Variants in INIP observed in about 807,000 individuals in gnomAD.
INIP encodes INTS3 and NABP interacting protein.
A neutral mutation model predicts 14.0 loss-of-function variants in INIP; 9 were observed. The ratio of observed to expected loss-of-function variants is 0.64; its 90% CI spans 0.39 to 1.12. INIP has a LOEUF of 1.12. Among genes scored for constraint, INIP ranks in the 50% most tolerant of loss-of-function variants. The pLI is 0.01. For missense variants in INIP, 78 were observed against 122.7 expected (o/e 0.64, Z 1.72); for synonymous variants, 37 against 41.5 (o/e 0.89, Z 0.41).
At chr9:112,711,471 A>G (rs181815434) in intron 2 of INIP, among the ~76,000 whole-genome samples, 249 of 152,374 alleles carry the variant, frequency 1.6e-3, no homozygotes, top group Non-Finnish European at 2.7e-3. Context: ...CTACGAAAAA[A>G]GTAACCAGCA....
intron 2 of INIP, among the ~76,000 whole-genome samples, chr9:112,700,532 T>C (rs1369079631): frequency 7.4e-6 from 1 of 135,046 alleles, no homozygotes; most frequent in Non-Finnish European, 1.5e-5. Flanking sequence ...ATAATATATA[T>C]ATATATTATA....
chr9:112,701,174 G>A (rs550830351), intron 2 of INIP, among the ~76,000 whole-genome samples: 2 of 152,120 alleles, frequency 1.3e-5, no homozygotes, highest in Non-Finnish European at 2.9e-5. Context: ...CAGGTGTGGT[G>A]GCAGGCACCT....
intron 2 of INIP, among the ~76,000 whole-genome samples, chr9:112,707,091 C>T (rs1396024219): frequency 1.3e-5 from 2 of 151,898 alleles, no homozygotes; most frequent in African/African-American, 4.8e-5. Flanking sequence ...ACGCATTAGC[C>T]ACCATGCCTG....
At chr9:112,690,290 A>C (rs1375178444) in intron 3 of INIP, among the ~76,000 whole-genome samples, 1 of 152,094 alleles carries the variant, frequency 6.6e-6, no homozygotes, top group African/African-American at 2.4e-5. Flanking sequence ...CAGGAGTTCA[A>C]GACCAGCCTG....
rs1838608594 is a variant in INIP at position 112,710,351 on chromosome 9, T to C, written c.25+6110A>G. Among the ~76,000 whole-genome samples the C allele has an allele frequency of 3.3e-5, 5 of 152,288 alleles. No individual in the cohort carries two copies. The South Asian group carries it at 1.0e-3, about 32-fold the overall frequency. On this transcript the variant is annotated intron_variant, in intron 2 of 4. Coordinates refer to ENST00000374242, the MANE Select transcript of INIP (RefSeq NM_021218.3). ...TGTAAAATTGAAAAAAATAAAAGAA[T>C]TCATGTTCCTTACTCAGTATTTCAC...
rs1403334006 is a variant in INIP at position 112,685,441 on chromosome 9, A to AAATTG, written c.*2092_*2096dup. 1.3e-5 allele frequency: 2 copies of AAATTG among 152,092 alleles called. No homozygotes were observed. Among genetic ancestry groups the AAATTG allele is most frequent in the Non-Finnish European group, 2.9e-5 (2 of 68,016 alleles). The allele number at this position is 152,092 out of a possible 1,614,324, so 9.4% of individuals were successfully genotyped here. ...CTGTAGGTATTAATAAATACATAGGAAATTGAATTGAATTTGTAACTCAAA... is the reference window on the plus strand; with the variant it reads ...CTGTAGGTATTAATAAATACATAGGAAATTGAATTGAATTGAATTTGTAACTCAAA... On this transcript the variant is annotated 3_prime_UTR_variant, in exon 5 of 5. Transcript: ENST00000374242.
chr9:112,705,520 A>G (rs1838432201), intron 2 of INIP, among the ~76,000 whole-genome samples: 1 of 152,128 alleles, frequency 6.6e-6, no homozygotes, highest in South Asian at 2.1e-4. Flanking sequence ...TGTGTTGCCC[A>G]TGCTGGTCTC....
chr9:112,688,553 G>C (rs1588070036), intron 4 of INIP, among the ~76,000 whole-genome samples: 1 of 151,946 alleles, frequency 6.6e-6, no homozygotes, highest in African/African-American at 2.4e-5. Context: ...GGCAATGGTG[G>C]CTCACACCTG....
chr9:112,705,610 C>A (rs1298178290), intron 2 of INIP, among the ~76,000 whole-genome samples: 2 of 152,110 alleles, frequency 1.3e-5, no homozygotes, highest in Non-Finnish European at 2.9e-5. Flanking sequence ...CACACCCAGC[C>A]TAAATGTTTA....
chr9:112,704,632 T>G (rs1250314589), intron 2 of INIP, among the ~76,000 whole-genome samples: 1 of 152,202 alleles, frequency 6.6e-6, no homozygotes, highest in Non-Finnish European at 1.5e-5. Context: ...TAACCAAACC[T>G]TGTGTTTTAA....
intron 3 of INIP, among the ~76,000 whole-genome samples, chr9:112,691,263 A>G (rs923832027): frequency 1.3e-5 from 2 of 152,226 alleles, no homozygotes; most frequent in Non-Finnish European, 2.9e-5. Flanking sequence ...CTTGGAGATG[A>G]AAGTGAAAGG....
intron 3 of INIP, among the ~76,000 whole-genome samples, chr9:112,693,246 TTAAAAA>T (rs1469725322): frequency 6.6e-5 from 10 of 152,106 alleles, no homozygotes; most frequent in African/African-American, 2.4e-4. Flanking sequence ...ATAGGGTTGC[TTAAAAA>T]TAAAAATAAA....
intron 2 of INIP, among the ~76,000 whole-genome samples, chr9:112,714,954 G>A (rs1838757793): frequency 1.3e-5 from 2 of 152,224 alleles, no homozygotes; most frequent in South Asian, 4.2e-4. Flanking sequence ...TTACTGTACT[G>A]AATAGTGTAG....
intron 2 of INIP, among the ~76,000 whole-genome samples, chr9:112,715,129 TACATACACACACACAC>T (rs1838765737): frequency 9.9e-6 from 1 of 100,912 alleles, no homozygotes. Context: ...CATACATACA[TACATACACACACACAC>T]ACACACACAC....
intron 2 of INIP, among the ~76,000 whole-genome samples, chr9:112,711,002 G>C (rs1162730217): frequency 6.6e-6 from 1 of 151,066 alleles, no homozygotes; most frequent in East Asian, 1.9e-4. Context: ...AACAAAGCGA[G>C]ACCCTGTTTC....
intron 2 of INIP, among the ~76,000 whole-genome samples, chr9:112,697,027 C>T (rs912669883): frequency 5.9e-5 from 9 of 152,130 alleles, no homozygotes; most frequent in Non-Finnish European, 1.3e-4. Context: ...CACCTCAGTC[C>T]CTCTCCTTTC....
At chr9:112,706,981 G>A (rs373120364) in intron 2 of INIP, among the ~76,000 whole-genome samples, 90 of 151,892 alleles carry the variant, frequency 5.9e-4, no homozygotes, top group African/African-American at 1.8e-3. Context: ...GCGTGATCTC[G>A]GCTCACCACA....
rs1323453186 is a variant in INIP at position 112,687,466 on chromosome 9, C to G, written c.*72G>C. On this transcript the variant is annotated 3_prime_UTR_variant, in exon 5 of 5. Transcript: ENST00000374242. ...CACCAAAATTCTTAAAGTCACAGTT[C>G]ATGTAGCACTGAATGATAGTAGCTT... The G allele has an allele frequency of 7.8e-6, 7 of 896,790 alleles. No homozygotes were observed. The highest frequency in any genetic ancestry group is 1.3e-5 in the Non-Finnish European group (7 of 550,504). The allele number at this position is 896,790 out of a possible 1,614,324, so 55.6% of individuals were successfully genotyped here.
intron 3 of INIP, among the ~76,000 whole-genome samples, chr9:112,693,810 C>G (rs1438643424): frequency 6.6e-6 from 1 of 152,216 alleles, no homozygotes; most frequent in African/African-American, 2.4e-5. Flanking sequence ...CACGGTGGGT[C>G]ACGCCTGTAA....
Sources: allele counts gnomAD v4.1 joint callset (sites outside exome capture counted in the v4.1 genomes callset), GRCh38; gene constraint gnomAD v4.1.1; transcripts MANE v1.5; gene names NCBI Gene and HGNC (gene_info 2026-07-23, HGNC 2026-07-21).